Variants in CACNA2D3 observed in about 807,000 individuals in gnomAD.
The protein encoded by CACNA2D3 is calcium voltage-gated channel auxiliary subunit alpha2delta 3.
In CACNA2D3, 60 loss-of-function variants were observed where a neutral mutation model predicts 160.6. The ratio of observed to expected loss-of-function variants is 0.37; its 90% CI spans 0.30 to 0.46. The LOEUF is 0.46. Ranked by LOEUF, CACNA2D3 falls within the 20% of genes least tolerant of loss-of-function variation. The probability of loss-of-function intolerance (pLI) is 1.00; values close to 1 mark genes in which losing one functional copy is unlikely to be tolerated. For synonymous variants in CACNA2D3, 558 were observed against 492.9 expected, an observed-to-expected ratio of 1.13 and a Z score of -1.75; for missense variants, 1,205 against 1,365.0, an observed-to-expected ratio of 0.88 and a Z score of 1.85.
intron 11 of CACNA2D3, among the ~76,000 whole-genome samples, chr3:54,652,621 A>G (rs1699792854): frequency 1.3e-5 from 2 of 151,962 alleles, no homozygotes; most frequent in South Asian, 2.1e-4. Flanking sequence ...GTGGATGTGT[A>G]TGAGGAGCAG....
At chr3:54,187,607 C>G (rs546178531) in intron 2 of CACNA2D3, among the ~76,000 whole-genome samples, 9 of 152,188 alleles carry the variant, frequency 5.9e-5, no homozygotes, top group Admixed American at 5.9e-4. Context: ...TCATGATTGA[C>G]TAGGGCAGCA....
intron 27 of CACNA2D3, among the ~76,000 whole-genome samples, chr3:54,908,105 C>T (rs925605130): frequency 3.9e-5 from 6 of 152,152 alleles, no homozygotes; most frequent in Non-Finnish European, 8.8e-5. Context: ...TATGGTAACT[C>T]TGTTTGGTAT....
intron 32 of CACNA2D3, among the ~76,000 whole-genome samples, chr3:55,006,166 A>G (rs755930910): frequency 1.3e-5 from 2 of 152,234 alleles, no homozygotes; most frequent in Non-Finnish European, 2.9e-5. Context: ...ATATATTTTC[A>G]CCATTAGATT....
chr3:54,549,381 A>G (rs1374653664), intron 5 of CACNA2D3, among the ~76,000 whole-genome samples: 1 of 152,118 alleles, frequency 6.6e-6, no homozygotes, highest in Admixed American at 6.5e-5. Context: ...AGGAGGCGGA[A>G]CTTGCAGTGA....
At chr3:54,158,986 C>A (rs1700293605) in intron 2 of CACNA2D3, among the ~76,000 whole-genome samples, 1 of 152,198 alleles carries the variant, frequency 6.6e-6, no homozygotes, top group Non-Finnish European at 1.5e-5. Context: ...CTGGAAGAAG[C>A]CTCTAAGAGT....
intron 3 of CACNA2D3, among the ~76,000 whole-genome samples, chr3:54,340,928 G>A (rs769799146): frequency 1.5e-4 from 23 of 152,130 alleles, no homozygotes; most frequent in African/African-American, 5.3e-4. Flanking sequence ...CTCTGGTCTC[G>A]TCACTGACCT....
At chr3:54,501,523 C>G (rs923479377) in intron 4 of CACNA2D3, among the ~76,000 whole-genome samples, 2 of 151,324 alleles carry the variant, frequency 1.3e-5, no homozygotes, top group Non-Finnish European at 2.9e-5. Flanking sequence ...CCTCCTCGTT[C>G]AGCCTCCTAA....
chr3:54,654,566 GGAAA>G (rs957019550), intron 11 of CACNA2D3, among the ~76,000 whole-genome samples: 35 of 152,258 alleles, frequency 2.3e-4, no homozygotes, highest in Non-Finnish European at 2.6e-4. Context: ...GAGGGGCAGA[GGAAA>G]GAAAGAGGTT....
chr3:54,951,532 A>T (rs1198563194), intron 27 of CACNA2D3, among the ~76,000 whole-genome samples: 1 of 152,186 alleles, frequency 6.6e-6, no homozygotes, highest in Non-Finnish European at 1.5e-5. Flanking sequence ...ACTTTGAAGC[A>T]TCTCTACAGA....
chr3:54,727,745 C>T (rs1399693087), intron 11 of CACNA2D3, among the ~76,000 whole-genome samples: 1 of 152,032 alleles, frequency 6.6e-6, no homozygotes, highest in Non-Finnish European at 1.5e-5. Flanking sequence ...CATCACACAC[C>T]AGGGCCTGTC....
At chr3:54,896,925 A>T in intron 26 of CACNA2D3, 55 bp downstream of exon 26, 1 of 1,611,656 alleles carries the variant, frequency 6.2e-7, no homozygotes, top group Non-Finnish European at 8.5e-7. Context: ...GGGTCTGGGC[A>T]TTGTGTGCAG....
chr3:54,158,939 C>T (rs926783884), intron 2 of CACNA2D3, among the ~76,000 whole-genome samples: 2 of 152,164 alleles, frequency 1.3e-5, no homozygotes, highest in African/African-American at 4.8e-5. Flanking sequence ...CTTACTTTGG[C>T]CAGTGGATTA....
intron 4 of CACNA2D3, among the ~76,000 whole-genome samples, chr3:54,480,386 C>T (rs533147342): frequency 1.6e-4 from 24 of 151,984 alleles, no homozygotes; most frequent in Non-Finnish European, 2.8e-4. Flanking sequence ...CAGCCCCTCA[C>T]CCTACACCCC....
At chr3:54,316,078 T>A (rs201690778) in intron 2 of CACNA2D3, among the ~76,000 whole-genome samples, 1 of 19,436 alleles carries the variant, frequency 5.1e-5, no homozygotes, top group African/African-American at 1.1e-4. Flanking sequence ...CCTAGCAGGG[T>A]GTGTGTGTGT....
rs756598600 is a variant in CACNA2D3, at chr3:54,901,533, C to T, written c.2449+1665C>T. On this transcript the variant is annotated intron_variant, in intron 27 of 37. Transcript: ENST00000474759. ...ATGCCAGTCTATTGTCGAGTTGCAT[C>T]GCTGGCCATAGACCACAGGCAGGTC... Among the ~76,000 whole-genome samples, 26 of 152,142 alleles carry T rather than the reference C, an allele frequency of 1.7e-4. 1 individual carries two copies. The highest frequency in any genetic ancestry group is 8.5e-4 in the Admixed American group (13 of 15,274).
chr3:54,789,770 T>C, intron 13 of CACNA2D3: 1 of 474,818 alleles, frequency 2.1e-6, no homozygotes, highest in Non-Finnish European at 4.2e-6. Flanking sequence ...ATTTAGATTT[T>C]GGATTGAGGC....
chr3:54,691,621 C>T (rs746154034), intron 11 of CACNA2D3, among the ~76,000 whole-genome samples: 2 of 152,176 alleles, frequency 1.3e-5, no homozygotes, highest in African/African-American at 2.4e-5. Context: ...ATAATACTCT[C>T]TAATTCAAAA....
chr3:54,172,545 C>T lies in CACNA2D3; in HGVS notation c.204+48951C>T, dbSNP rs76928869. ...CGGGCCTAGAACCCAATGCTAAGTA[C>T]ATGGAGAAGGTGACTACTAATTCTA... On this transcript the variant is annotated intron_variant, in intron 2 of 37. Coordinates refer to ENST00000474759, the MANE Select transcript of CACNA2D3 (RefSeq NM_018398.3). 0.014 allele frequency among the ~76,000 whole-genome samples: 2,164 copies of T among 152,270 alleles called. 124 individuals carry two copies. The East Asian group carries it at 0.21, about 14-fold the overall frequency.
intron 13 of CACNA2D3, among the ~76,000 whole-genome samples, chr3:54,810,462 A>T (rs546455082): frequency 6.6e-6 from 1 of 152,178 alleles, no homozygotes; most frequent in African/African-American, 2.4e-5. Context: ...CTTTATCCAC[A>T]TTGCTTAATG....
Sources: gnomAD v4.1 joint callset for allele counts (sites outside exome capture counted in the v4.1 genomes callset) on GRCh38, gnomAD v4.1.1 for gene constraint, MANE v1.5 for transcripts, NCBI Gene and HGNC (gene_info 2026-07-23, HGNC 2026-07-21) for gene names.